The following NSMCE2 variants were observed in gnomAD, a reference collection of about 807,000 sequenced individuals.
NSMCE2 encodes the protein NSE2 SUMO ligase component of SMC5/6 complex, also known as E3 SUMO-protein ligase NSE2.
NSMCE2 carries 24 observed loss-of-function variants against 23.8 expected under a neutral mutation model. The ratio of observed to expected loss-of-function variants is 1.01; its 90% CI spans 0.73 to 1.42. NSMCE2 has a LOEUF of 1.42. Among genes scored for constraint, NSMCE2 ranks in the 40% most tolerant of loss-of-function variants. The pLI is 0.00. For missense variants in NSMCE2, 284 were observed against 296.5 expected, an observed-to-expected ratio of 0.96 and a Z score of 0.31; for synonymous variants, 92 against 94.1, an observed-to-expected ratio of 0.98 and a Z score of 0.13.
chr8:125,100,050 A>T (rs1452936616), intron 1 of NSMCE2, among the ~76,000 whole-genome samples: 1 of 152,066 alleles, frequency 6.6e-6, no homozygotes, highest in East Asian at 1.9e-4. Flanking sequence ...TAGGAGCAAC[A>T]GTTTATTCAT....
intron 3 of NSMCE2, among the ~76,000 whole-genome samples, chr8:125,116,885 C>CTTTTTTTT (rs35636109): frequency 7.7e-6 from 1 of 129,538 alleles, no homozygotes; most frequent in Non-Finnish European, 1.6e-5. Flanking sequence ...AAGCATATAA[C>CTTTTTTTT]TTTTTTTTTT....
In NSMCE2 at chr8:125,364,635, G is replaced by T. The variant is rs551154303; in HGVS notation, c.627-2133G>T. 1.5e-3 allele frequency among the ~76,000 whole-genome samples: 221 copies of T among 152,318 alleles called. 1 individual carries two copies. Among genetic ancestry groups the T allele is most frequent in the Non-Finnish European group, 2.5e-3 (168 of 68,032 alleles). ...AATGCATGAATGGGTGCATGCCTGT[G>T]TGGGATATATGCAAGATAGAAATAG... On this transcript the variant is annotated intron_variant, in intron 7 of 7. Transcript: ENST00000287437.
intron 5 of NSMCE2, among the ~76,000 whole-genome samples, chr8:125,195,062 C>G (rs1000924893): frequency 6.6e-6 from 1 of 151,930 alleles, no homozygotes; most frequent in African/African-American, 2.4e-5. Flanking sequence ...TAGGTTCTAC[C>G]CTAGACCTAC....
intron 5 of NSMCE2, among the ~76,000 whole-genome samples, chr8:125,356,064 A>C (rs1353773844): frequency 1.3e-5 from 2 of 152,244 alleles, no homozygotes; most frequent in African/African-American, 4.8e-5. Flanking sequence ...TTTCACTCTC[A>C]TTCTTTTCAT....
intron 5 of NSMCE2, among the ~76,000 whole-genome samples, chr8:125,331,355 G>A (rs902727733): frequency 6.6e-6 from 1 of 152,122 alleles, no homozygotes; most frequent in South Asian, 2.1e-4. Context: ...TCATAATTTT[G>A]AACAAGTCAT....
intron 5 of NSMCE2, among the ~76,000 whole-genome samples, chr8:125,333,600 C>T (rs916072212): frequency 1.4e-5 from 2 of 142,674 alleles, no homozygotes; most frequent in South Asian, 2.3e-4. Context: ...CTGCAAGCTC[C>T]GCCTCCCGGG....
chr8:125,254,167 A>G (rs1826313622), intron 5 of NSMCE2, among the ~76,000 whole-genome samples: 1 of 152,210 alleles, frequency 6.6e-6, no homozygotes, highest in South Asian at 2.1e-4. Flanking sequence ...ATTACATTTA[A>G]TAATTCAAAC....
chr8:125,358,488 A>C (rs1813383581), intron 7 of NSMCE2, among the ~76,000 whole-genome samples: 1 of 150,728 alleles, frequency 6.6e-6, no homozygotes, highest in Admixed American at 6.6e-5. Flanking sequence ...TTTATCTTTA[A>C]ATATATATAA....
At chr8:125,131,282 C>T (rs1328896332) in intron 3 of NSMCE2, among the ~76,000 whole-genome samples, 1 of 152,124 alleles carries the variant, frequency 6.6e-6, no homozygotes, top group African/African-American at 2.4e-5. Context: ...AAAATATACG[C>T]ACTGAAGACA....
intron 5 of NSMCE2, among the ~76,000 whole-genome samples, chr8:125,206,299 A>G (rs1374455232): frequency 6.6e-6 from 1 of 152,184 alleles, no homozygotes; most frequent in Admixed American, 6.5e-5. Flanking sequence ...AGATTTATGG[A>G]GTTACTTGTT....
intron 5 of NSMCE2, among the ~76,000 whole-genome samples, chr8:125,295,765 G>T (rs1828297524): frequency 6.6e-6 from 1 of 152,172 alleles, no homozygotes; most frequent in African/African-American, 2.4e-5. Context: ...AAAGTAAAAG[G>T]AAGCAACAGC....
intron 5 of NSMCE2, among the ~76,000 whole-genome samples, chr8:125,239,141 A>G (rs1042354375): frequency 6.6e-6 from 1 of 152,062 alleles, no homozygotes; most frequent in African/African-American, 2.4e-5. Flanking sequence ...GGACTGAGCC[A>G]CTCTGGATGT....
chr8:125,250,628 G>C (rs1409732438), intron 5 of NSMCE2, among the ~76,000 whole-genome samples: 2 of 152,096 alleles, frequency 1.3e-5, no homozygotes, highest in Non-Finnish European at 2.9e-5. Flanking sequence ...GTCTCTTGCA[G>C]ACATTTCTTC....
chr8:125,279,194 G>C (rs993115856), intron 5 of NSMCE2, among the ~76,000 whole-genome samples: 3 of 152,172 alleles, frequency 2.0e-5, no homozygotes, highest in Non-Finnish European at 4.4e-5. Context: ...TGATAGATGT[G>C]GTTCCGTGCA....
intron 5 of NSMCE2, among the ~76,000 whole-genome samples, chr8:125,207,281 T>TG (rs1824154085): frequency 1.3e-5 from 2 of 152,076 alleles, no homozygotes; most frequent in Non-Finnish European, 2.9e-5. Context: ...TGACTTCTCT[T>TG]GTCTAATTTT....
chr8:125,139,520 T>C (rs1820244715), intron 3 of NSMCE2, among the ~76,000 whole-genome samples: 1 of 152,216 alleles, frequency 6.6e-6, no homozygotes. Flanking sequence ...CTCACAATCA[T>C]GGCAGAAGGC....
chr8:125,336,497 T>A (rs563355227), intron 5 of NSMCE2, among the ~76,000 whole-genome samples: 13 of 152,110 alleles, frequency 8.5e-5, no homozygotes, highest in Non-Finnish European at 1.3e-4. Context: ...GAGGATTGGT[T>A]ATATGCAGAG....
At chr8:125,325,980 G>A (rs570179965) in intron 5 of NSMCE2, among the ~76,000 whole-genome samples, 5 of 150,790 alleles carry the variant, frequency 3.3e-5, no homozygotes, top group South Asian at 4.2e-4. Flanking sequence ...AAAAATACCC[G>A]GGCGCGGTGG....
chr8:125,318,084 A>T (rs919659609), intron 5 of NSMCE2, among the ~76,000 whole-genome samples: 1 of 152,216 alleles, frequency 6.6e-6, no homozygotes, highest in African/African-American at 2.4e-5. Flanking sequence ...ACCAGTAAGA[A>T]TATAAGATGT....
Sources: gnomAD v4.1 joint callset for allele counts (sites outside exome capture counted in the v4.1 genomes callset) on GRCh38, gnomAD v4.1.1 for gene constraint, MANE v1.5 for transcripts, NCBI Gene and HGNC (gene_info 2026-07-23, HGNC 2026-07-21) for gene names.